TENM1: variants seen among roughly 807,000 people sequenced by gnomAD.
TENM1 encodes teneurin-1.
TENM1 carries 35 observed loss-of-function variants against 174.8 expected under a neutral mutation model. That is an observed-to-expected ratio of 0.20 (90% confidence interval 0.15 to 0.27). The LOEUF is 0.27. Among genes scored for constraint, TENM1 ranks in the 10% least tolerant of loss-of-function variants. The pLI is 1.00. For synonymous variants in TENM1, 781 were observed against 798.7 expected (o/e 0.98, Z 0.37); for missense variants, 1,633 against 2,130.1 (o/e 0.77, Z 4.59).
At position 124,410,270 on chromosome X, in the gene TENM1, A is replaced by G. The variant is rs1239926747; in HGVS notation, c.4983-3781T>C. Among the ~76,000 whole-genome samples the G allele has an allele frequency of 2.7e-5, 3 of 112,229 alleles. No individual in the cohort carries two copies. The East Asian group carries it at 8.3e-4, about 31-fold the overall frequency. Reference sequence around the variant, plus strand: ...ACCTGACAAAAACAAGAAATGGGGAAAGGATTCCCTATTTAATAAATGGTG... The same window carrying G: ...ACCTGACAAAAACAAGAAATGGGGAGAGGATTCCCTATTTAATAAATGGTG... On this transcript the variant is annotated intron_variant, in intron 25 of 31. Transcript: ENST00000422452.
the TENM1 span, among the ~76,000 whole-genome samples, chrX:125,169,254 G>T: frequency 9.0e-6 from 1 of 111,508 alleles, no homozygotes; most frequent in Admixed American, 9.5e-5. Context: ...TATTTGTCAG[G>T]AGAGTGGCAA....
chrX:124,397,108 G>A (rs2060343826), intron 27 of TENM1, among the ~76,000 whole-genome samples: 1 of 111,128 alleles, frequency 9.0e-6, no homozygotes, highest in Non-Finnish European at 1.9e-5. Context: ...AGGGAAGAGT[G>A]TGCTCTGGAG....
chrX:125,046,857 CGTGTGTGTGTGT>C, the TENM1 span, among the ~76,000 whole-genome samples: 7 of 98,227 alleles, frequency 7.1e-5, no homozygotes, highest in African/African-American at 2.2e-4. Context: ...TGTGTGCATG[CGTGTGTGTGTGT>C]GTGTGTGTGT....
At chrX:124,751,911 T>C (rs2038081004) in intron 3 of TENM1, among the ~76,000 whole-genome samples, 1 of 110,744 alleles carries the variant, frequency 9.0e-6, no homozygotes, top group African/African-American at 3.3e-5. Context: ...TTTGGGTTGG[T>C]TCCAAGTCTT....
chrX:125,149,258 A>C, the TENM1 span, among the ~76,000 whole-genome samples: 1 of 111,764 alleles, frequency 8.9e-6, no homozygotes, highest in African/African-American at 3.3e-5. Context: ...TTAACTGGCA[A>C]ACTCCTCTCC....
intron 23 of TENM1, among the ~76,000 whole-genome samples, chrX:124,425,774 AG>A (rs1489439470): frequency 9.0e-6 from 1 of 111,562 alleles, no homozygotes; most frequent in Admixed American, 9.5e-5. Context: ...GGCTTTAAGT[AG>A]GGGTGTGAGA....
At chrX:124,672,659 A>G (rs186384588) in intron 5 of TENM1, among the ~76,000 whole-genome samples, 1 of 112,344 alleles carries the variant, frequency 8.9e-6, no homozygotes, top group Non-Finnish European at 1.9e-5. Context: ...ACAATATTAG[A>G]AAGTTATGAT....
chrX:124,398,637 T>A (rs1179649783), intron 27 of TENM1, among the ~76,000 whole-genome samples: 1 of 112,137 alleles, frequency 8.9e-6, no homozygotes, highest in Non-Finnish European at 1.9e-5. Flanking sequence ...TTTTTCTTTT[T>A]TTTTATTTTT....
At chrX:125,115,292 T>C in the TENM1 span, among the ~76,000 whole-genome samples, 20,300 of 110,714 alleles carry the variant, frequency 0.18, 2,393 homozygotes, top group African/African-American at 0.43. Flanking sequence ...TCATGTTGAA[T>C]GGCCAAGCTG....
At chrX:124,958,538 T>C (rs1326189171) in intron 1 of TENM1, among the ~76,000 whole-genome samples, 1 of 111,641 alleles carries the variant, frequency 9.0e-6, no homozygotes, top group Non-Finnish European at 1.9e-5. Context: ...CTAACATTTT[T>C]TGAATTCCTG....
chrX:125,043,116 T>C, the TENM1 span, among the ~76,000 whole-genome samples: 1 of 104,752 alleles, frequency 9.5e-6, no homozygotes, highest in Non-Finnish European at 2.0e-5. Context: ...AAGGACTTCA[T>C]GTCCAAAACA....
rs7877009 is a variant in TENM1 at position 124,843,471 on chromosome X, G to A, written c.535+50825C>T. Among the ~76,000 whole-genome samples, 778 of 110,403 alleles carry A rather than the reference G, an allele frequency of 7.0e-3. 3 individuals carry two copies. Among genetic ancestry groups the A allele is most frequent in the African/African-American group, 0.024 (733 of 30,318 alleles). ...AGTATATTAACTACAGCTGATTCCC[G>A]TTGCCTCCCCCCCTCCCTACTCCTT... On this transcript the variant is annotated intron_variant, in intron 3 of 31. Transcript: ENST00000422452.
chrX:124,776,191 CTT>C (rs1209158912), intron 3 of TENM1, among the ~76,000 whole-genome samples: 2 of 111,597 alleles, frequency 1.8e-5, no homozygotes, highest in East Asian at 5.6e-4. Flanking sequence ...AAGAAGGAGA[CTT>C]TACCACTACA....
intron 25 of TENM1, among the ~76,000 whole-genome samples, chrX:124,417,357 C>T (rs1254663065): frequency 9.0e-6 from 1 of 110,869 alleles, no homozygotes; most frequent in East Asian, 2.8e-4. Flanking sequence ...ATTACAGGTA[C>T]CCGCCACCAC....
At chrX:124,999,262 C>A in the TENM1 span, among the ~76,000 whole-genome samples, 1 of 110,649 alleles carries the variant, frequency 9.0e-6, no homozygotes, top group South Asian at 3.8e-4. Context: ...TTATGTAAGA[C>A]TATTAAAGAA....
chrX:124,537,551 T>G (rs2048230571), intron 15 of TENM1, among the ~76,000 whole-genome samples: 1 of 111,590 alleles, frequency 9.0e-6, no homozygotes, highest in Non-Finnish European at 1.9e-5. Context: ...ATATAAACAA[T>G]ATGGCTACAA....
At chrX:124,915,096 T>C (rs1603274358) in intron 1 of TENM1, among the ~76,000 whole-genome samples, 6 of 111,992 alleles carry the variant, frequency 5.4e-5, no homozygotes, top group African/African-American at 1.9e-4. Flanking sequence ...CTTTCTTATA[T>C]TTGATTTCAT....
At chrX:124,879,764 C>T (rs150092703) in intron 3 of TENM1, among the ~76,000 whole-genome samples, 84 of 112,332 alleles carry the variant, frequency 7.5e-4, no homozygotes, top group African/African-American at 2.6e-3. Context: ...CTTTTCTCCT[C>T]GACCTTGTCA....
chrX:124,699,548 GA>G (rs370576128), intron 5 of TENM1, among the ~76,000 whole-genome samples: 2 of 108,874 alleles, frequency 1.8e-5, no homozygotes, highest in Non-Finnish European at 3.8e-5. Flanking sequence ...GGAGTTCTAA[GA>G]AAAAAAAATA....
Sources: gnomAD v4.1 joint callset for allele counts (sites outside exome capture counted in the v4.1 genomes callset) on GRCh38, gnomAD v4.1.1 for gene constraint, MANE v1.5 for transcripts, NCBI Gene and HGNC (gene_info 2026-07-23, HGNC 2026-07-21) for gene names.